The following FBN1 variants were observed in gnomAD, a reference collection of about 807,000 sequenced individuals.
FBN1 encodes fibrillin-1.
Under a neutral mutation model 365.1 loss-of-function variants are expected in FBN1, and 29 were observed. The ratio of observed to expected loss-of-function variants is 0.08; its 90% CI spans 0.06 to 0.11. FBN1 has a LOEUF of 0.11. Ranked by LOEUF, FBN1 falls within the 10% of genes least tolerant of loss-of-function variation. The pLI, the probability that FBN1 is intolerant of heterozygous loss-of-function variation, is 1.00. For missense variants in FBN1, 2,476 were observed against 3,703.2 expected, an observed-to-expected ratio of 0.67 and a Z score of 8.60; for synonymous variants, 1,210 against 1,270.5, an observed-to-expected ratio of 0.95 and a Z score of 1.01.
intron 6 of FBN1, among the ~76,000 whole-genome samples, chr15:48,582,960 G>T (rs1194975265): frequency 1.3e-5 from 2 of 152,194 alleles, no homozygotes; most frequent in Non-Finnish European, 2.9e-5. Context: ...CTCATGGTCA[G>T]CCGGAGCCAT....
At chr15:48,427,524 A>G in intron 58 of FBN1, 43 bp downstream of exon 58, 1 of 1,583,814 alleles carries the variant, frequency 6.3e-7, no homozygotes. Context: ...AAAAACAAAT[A>G]AATAGATTCC....
intron 62 of FBN1, 127 bp from the exon 63 acceptor site, chr15:48,420,933 C>T: frequency 9.4e-7 from 1 of 1,058,796 alleles, no homozygotes; most frequent in Admixed American, 2.0e-5. Context: ...CTTCAAGAAT[C>T]TCTCTTCTGG....
intron 6 of FBN1, among the ~76,000 whole-genome samples, chr15:48,544,449 A>T (rs2044080475): frequency 6.6e-6 from 1 of 152,238 alleles, no homozygotes; most frequent in Non-Finnish European, 1.5e-5. Flanking sequence ...ATAGGAAAAA[A>T]ACAAAACCAT....
Position 48,638,617 on chromosome 15 carries a change from C to CTTT in FBN1, c.164+5986_164+5988dup, listed in dbSNP as rs34665953. Among the ~76,000 whole-genome samples, 556 of 138,868 alleles carry CTTT rather than the reference C, an allele frequency of 4.0e-3. 4 individuals are homozygous for CTTT. The highest frequency in any genetic ancestry group is 0.014 in the African/African-American group (540 of 37,560). 91.1% of individuals were successfully genotyped at this position (138,868 alleles called of 152,430 possible). On this transcript the variant is annotated intron_variant, in intron 2 of 65. Transcript: ENST00000316623. The stretch of plus-strand genomic sequence containing the variant: ...TACAATCATAAGTGATACATCAGAG[C>CTTT]TTTTTTTTTTTTTTTTTACCATTAT...
chr15:48,638,490 C>T (rs1403971123), intron 2 of FBN1, among the ~76,000 whole-genome samples: 1 of 152,176 alleles, frequency 6.6e-6, no homozygotes, highest in African/African-American at 2.4e-5. Flanking sequence ...GGAGTAATTA[C>T]TGAAACTCTG....
In FBN1 at chr15:48,492,784, A is replaced by G. The variant is rs74662988; in HGVS notation, c.2729-198T>C. Reference sequence around the variant, plus strand: ...GAGCCCACCTATTACTAAATATGTAAGAGTTTCTCCATTGGTTTCAGGGAA... The same window carrying G: ...GAGCCCACCTATTACTAAATATGTAGGAGTTTCTCCATTGGTTTCAGGGAA... On this transcript the variant is annotated intron_variant, in intron 23 of 65. Coordinates refer to ENST00000316623, the MANE Select transcript of FBN1 (RefSeq NM_000138.5). 4.1e-3 allele frequency among the ~76,000 whole-genome samples: 627 copies of G among 152,276 alleles called. 3 individuals are homozygous for G. Among genetic ancestry groups the G allele is most frequent in the African/African-American group, 0.015 (604 of 41,538 alleles).
At chr15:48,414,211 A>G (rs2042884998) in intron 64 of FBN1, among the ~76,000 whole-genome samples, 1 of 152,212 alleles carries the variant, frequency 6.6e-6, no homozygotes, top group South Asian at 2.1e-4. Flanking sequence ...ACTATAAAGA[A>G]TGAGTCTACT....
chr15:48,418,986 A>G (rs914985899), intron 63 of FBN1, among the ~76,000 whole-genome samples: 1 of 152,188 alleles, frequency 6.6e-6, no homozygotes, highest in African/African-American at 2.4e-5. Context: ...AAGCAATGAA[A>G]TTAGTGGCCC....
chr15:48,461,560 T>C (rs2043280403), intron 42 of FBN1, among the ~76,000 whole-genome samples: 1 of 146,014 alleles, frequency 6.8e-6, no homozygotes, highest in Admixed American at 6.6e-5. Flanking sequence ...CATATACACA[T>C]ACATAGATAT....
chr15:48,555,765 C>T (rs566485327), intron 6 of FBN1, among the ~76,000 whole-genome samples: 3 of 152,314 alleles, frequency 2.0e-5, no homozygotes, highest in Non-Finnish European at 4.4e-5. Flanking sequence ...CTTGCTTCCC[C>T]TGGGCCACAC....
At chr15:48,621,883 A>C (rs1035591243) in intron 2 of FBN1, among the ~76,000 whole-genome samples, 2 of 151,564 alleles carry the variant, frequency 1.3e-5, no homozygotes, top group Non-Finnish European at 2.9e-5. Context: ...CTGTAGTCCC[A>C]GCTACTCGGG....
Position 48,488,224 on chromosome 15 carries a change from T to C in FBN1, c.3226A>G (p.Ile1076Val), listed in dbSNP as rs201156527. ...CCTCTGCCACAGAGGTCAGGAGATA[T>C]GCGGCATTCGTCAATGTCTGCACAA... Reference protein sequence around the residue: ...RNCTDIDECRISPDLCGRGQC... With the variant: ...RNCTDIDECRVSPDLCGRGQC... The change falls in exon 27 of 66, where the codon ATA becomes GTA. Residue 1076 changes from isoleucine (I) to valine (V), a missense_variant. This residue lies in a region of FBN1 where 1,780 missense variants were observed against 2,840.8 expected (regional missense o/e 0.63). Transcript: ENST00000316623. 13 of 1,614,212 alleles carry C rather than the reference T, an allele frequency of 8.1e-6. No homozygotes were observed. The South Asian group carries it at 1.3e-4, about 16-fold the overall frequency.
chr15:48,527,826 G>GT (rs1216170305), intron 8 of FBN1, among the ~76,000 whole-genome samples: 1 of 152,212 alleles, frequency 6.6e-6, no homozygotes, highest in African/African-American at 2.4e-5. Flanking sequence ...GCAAAATTAT[G>GT]TAACGGTAAA....
intron 44 of FBN1, among the ~76,000 whole-genome samples, chr15:48,455,934 C>T (rs1052242808): frequency 6.6e-6 from 1 of 151,900 alleles, no homozygotes; most frequent in East Asian, 1.9e-4. Context: ...CTGCTAGAGG[C>T]CTGAAGTGTA....
At chr15:48,583,019 C>G (rs1379543146) in intron 6 of FBN1, among the ~76,000 whole-genome samples, 1 of 152,196 alleles carries the variant, frequency 6.6e-6, no homozygotes, top group African/African-American at 2.4e-5. Context: ...CTATTCCCAG[C>G]GTGGGAGTCA....
In FBN1 at chr15:48,644,677, A is replaced by G; in HGVS notation, c.93T>C (p.Ala31=). Residue 31 remains alanine (A), a synonymous_variant, in exon 2 of 66, where the codon GCT becomes GCC. Coordinates refer to ENST00000316623, the MANE Select transcript of FBN1 (RefSeq NM_000138.5). The part of the protein sequence containing the change: ...TSHGADANLE[A]GNVKETRASR... Reference sequence around the variant, plus strand: ...TGGCTCTGGTTTCCTTCACGTTCCCAGCCTCCAAATTGGCGTCCGCCCCAT... The same window carrying G: ...TGGCTCTGGTTTCCTTCACGTTCCCGGCCTCCAAATTGGCGTCCGCCCCAT... 1 of 1,614,066 alleles carries G rather than the reference A, an allele frequency of 6.2e-7. No homozygotes were observed. Among genetic ancestry groups the G allele is most frequent in the Non-Finnish European group, 8.5e-7 (1 of 1,180,004 alleles).
chr15:48,594,430 T>C (rs1388174735), intron 6 of FBN1, among the ~76,000 whole-genome samples: 2 of 152,210 alleles, frequency 1.3e-5, no homozygotes, highest in Non-Finnish European at 2.9e-5. Flanking sequence ...GAAAATTCTA[T>C]GGAGTCAACA....
chr15:48,618,632 C>A (rs1889706047), intron 2 of FBN1, among the ~76,000 whole-genome samples: 1 of 152,182 alleles, frequency 6.6e-6, no homozygotes, highest in Non-Finnish European at 1.5e-5. Context: ...ACTGGGGTCC[C>A]CAACCCCTGG....
chr15:48,466,348 G>C (rs2043321735), intron 38 of FBN1, among the ~76,000 whole-genome samples: 1 of 152,098 alleles, frequency 6.6e-6, no homozygotes, highest in East Asian at 1.9e-4. Context: ...TTAATGACTA[G>C]AGACATTTCT....
Sources: gnomAD v4.1 joint callset for allele counts (sites outside exome capture counted in the v4.1 genomes callset) on GRCh38, gnomAD v4.1.1 for gene constraint, gnomAD v4.1.1 regional missense constraint, MANE v1.5 for transcripts, NCBI Gene and HGNC (gene_info 2026-07-23, HGNC 2026-07-21) for gene names.